The following EBF4 variants were observed in gnomAD, a reference collection of about 807,000 sequenced individuals.
EBF4 encodes EBF transcription factor 4.
In EBF4, 34 loss-of-function variants were observed where a neutral mutation model predicts 67.1. The ratio of observed to expected loss-of-function variants is 0.51; its 90% CI spans 0.39 to 0.67. EBF4 has a LOEUF of 0.67. Among genes scored for constraint, EBF4 ranks in the 30% least tolerant of loss-of-function variants. The probability of loss-of-function intolerance (pLI) is 0.00; values close to 1 mark genes in which losing one functional copy is unlikely to be tolerated. For missense variants in EBF4, 837 were observed against 873.3 expected, an observed-to-expected ratio of 0.96 and a Z score of 0.52; for synonymous variants, 387 against 377.7, an observed-to-expected ratio of 1.02 and a Z score of -0.29.
chr20:2,751,727 G>A lies in EBF4; in HGVS notation c.1046G>A (p.Gly349Glu), dbSNP rs1480291975. The A allele has an allele frequency of 6.5e-7, 1 of 1,541,424 alleles. No individual in the cohort carries two copies. Among genetic ancestry groups the A allele is most frequent in the Non-Finnish European group, 8.8e-7 (1 of 1,141,108 alleles). The stretch of plus-strand genomic sequence containing the variant: ...CTGAACGAGCCCACCATTGACTACG[G>A]ATTCCAGAGGCTACAGAAAGTCATT... The change falls in exon 11 of 17, where the codon GGA becomes GAA. Residue 349 changes from glycine (G) to glutamate (E), a missense_variant. Physicochemically the swap from Gly to Glu is moderately conservative, Grantham distance 98 (BLOSUM62 -2). Coordinates refer to ENST00000609451, the Ensembl canonical transcript of EBF4. This position sits in a 1 kb window ranked among gnomAD's most constrained non-coding sequence, Gnocchi z 5.2.
rs1362758872 is a variant in EBF4, at chr20:2,751,544, C to T, written c.1019-156C>T. The T allele has an allele frequency of 1.6e-5, 11 of 676,330 alleles. No homozygotes were observed. Among genetic ancestry groups the T allele is most frequent in the Non-Finnish European group, 2.3e-5 (9 of 397,088 alleles). 41.9% of individuals were successfully genotyped at this position (676,330 alleles called of 1,614,324 possible). A position where few individuals can be genotyped will look rare whatever the true frequency, so the allele number is the denominator to read the frequency against. On this transcript the variant is annotated intron_variant, in intron 10 of 16. Transcript: ENST00000609451. The surrounding 1 kb of genome is among the most constrained non-coding windows in gnomAD (Gnocchi z 5.2). ...TCCCTGAATCTCGCTGCCGGGGGTG[C>T]CTGGAGTTTTCCGGGGGACTTGGGC... is the stretch of plus-strand genomic sequence containing the variant.
intron 1 of EBF4, among the ~76,000 whole-genome samples, chr20:2,700,551 G>C (rs555528503): frequency 2.9e-4 from 44 of 152,300 alleles, no homozygotes; most frequent in Admixed American, 4.6e-4. Flanking sequence ...TCTGAGAGCA[G>C]ACAGTGGCCC....
chr20:2,716,308 C>A (rs1394170152), intron 6 of EBF4, among the ~76,000 whole-genome samples: 1 of 151,358 alleles, frequency 6.6e-6, no homozygotes, highest in African/African-American at 2.4e-5. Context: ...GGGCAGATCA[C>A]CGGAGGTCGG....
At chr20:2,750,008 T>TGC in intron 10 of EBF4, 35 bp downstream of exon 10, 1 of 1,523,650 alleles carries the variant, frequency 6.6e-7, no homozygotes, top group Non-Finnish European at 8.8e-7. Context: ...AGGTCTAAGG[T>TGC]GCGCGGAGGG....
intron 6 of EBF4, among the ~76,000 whole-genome samples, chr20:2,714,373 G>T (rs1350226019): frequency 3.6e-5 from 5 of 138,838 alleles, no homozygotes; most frequent in Non-Finnish European, 6.1e-5. Context: ...CTTCTTTTTT[G>T]ACAGGGTCTT....
intron 6 of EBF4, among the ~76,000 whole-genome samples, chr20:2,730,623 A>G (rs1490215213): frequency 2.0e-5 from 3 of 152,090 alleles, no homozygotes; most frequent in African/African-American, 7.2e-5. Flanking sequence ...CCACCATATC[A>G]CTCAAAACAA....
chr20:2,759,072 C>A, intron 16 of EBF4, 88 bp downstream of exon 16: 4 of 1,271,524 alleles, frequency 3.1e-6, no homozygotes, highest in Non-Finnish European at 4.4e-6. Context: ...TGTGCTCAAG[C>A]CTCCCCGCTA....
At chr20:2,744,494 T>TTTC (rs2088020462) in intron 6 of EBF4, among the ~76,000 whole-genome samples, 1 of 134,486 alleles carries the variant, frequency 7.4e-6, no homozygotes, top group Middle Eastern at 3.3e-3. Context: ...TTTCTTTTCT[T>TTTC]TTTTTTTTTT....
At position 2,749,988 on chromosome 20, in the gene EBF4, G is replaced by C. The variant is rs775855622; in HGVS notation, c.1018+15G>C. Reference sequence around the variant, plus strand: ...TGTCTACACAGGTAAGGAGTCGGGCGGGGGAGTGGAGGTCTAAGGTGCGCG... The same window carrying C: ...TGTCTACACAGGTAAGGAGTCGGGCCGGGGAGTGGAGGTCTAAGGTGCGCG... On this transcript the variant is annotated intron_variant, in intron 10 of 16. Transcript: ENST00000609451. 28 of 1,543,918 alleles carry C rather than the reference G, an allele frequency of 1.8e-5. No homozygotes were observed. In the South Asian group the frequency reaches 2.4e-4, roughly 13 times the overall value.
chr20:2,726,661 C>T (rs1289137506), intron 6 of EBF4, among the ~76,000 whole-genome samples: 2 of 150,848 alleles, frequency 1.3e-5, no homozygotes. Flanking sequence ...TAGTCCTTTT[C>T]CCCCATTACT....
chr20:2,706,463 T>A (rs1357968434), intron 4 of EBF4, among the ~76,000 whole-genome samples, 199 bp downstream of exon 4: 1 of 152,108 alleles, frequency 6.6e-6, no homozygotes. Flanking sequence ...AAAGACAATA[T>A]TTGTACAAAA....
At chr20:2,716,443 C>T (rs1056888261) in intron 6 of EBF4, among the ~76,000 whole-genome samples, 2 of 151,072 alleles carry the variant, frequency 1.3e-5, no homozygotes, top group Admixed American at 6.6e-5. Context: ...GCAGGAGAAT[C>T]GCTTGAACTC....
chr20:2,749,619 G>T lies in EBF4; in HGVS notation c.758-1G>T. ...GACCTGGGTCCTCTCCTGCCTCCCA[G>T]CTGCCACCCCCTGCATCAAGGCCAT... is the stretch of plus-strand genomic sequence containing the variant. On this transcript the variant is annotated splice_acceptor_variant, in intron 8 of 16. Transcript: ENST00000609451. LOFTEE classifies it high-confidence loss of function. 1 of 1,556,040 alleles carries T rather than the reference G, an allele frequency of 6.4e-7. No individual in the cohort carries two copies.
intron 6 of EBF4, among the ~76,000 whole-genome samples, chr20:2,738,503 C>T (rs942809354): frequency 6.6e-6 from 1 of 152,174 alleles, no homozygotes; most frequent in African/African-American, 2.4e-5. Flanking sequence ...ACATCTGTGT[C>T]CACACAGGCA....
chr20:2,748,150 G>A (rs148691306), intron 6 of EBF4, among the ~76,000 whole-genome samples: 188 of 152,232 alleles, frequency 1.2e-3, no homozygotes, highest in African/African-American at 4.1e-3. Flanking sequence ...GTGCGTACAC[G>A]CCACATACGG....
chr20:2,755,632 C>A lies in EBF4; in HGVS notation c.1546C>A (p.Pro516Thr). The change falls in exon 15 of 17, where the codon CCC becomes ACC. Residue 516 changes from proline (P) to threonine (T), a missense_variant. By Grantham distance (38) the Pro-to-Thr change is conservative. This residue lies in a region of EBF4 where 525 missense variants were observed against 496.5 expected (regional missense o/e 1.06). Coordinates refer to ENST00000609451, the Ensembl canonical transcript of EBF4. The surrounding 1 kb of genome is among the most constrained non-coding windows in gnomAD (Gnocchi z 4.7). ...CTCCCCGCCCCGCCCCGGAGTCATG[C>A]CCTCTAGCCCCCCGCTGGCGGCTGC... 8.3e-7 allele frequency: 1 copy of A among 1,203,376 alleles called. No homozygotes were observed. The highest frequency in any genetic ancestry group is 1.1e-6 in the Non-Finnish European group (1 of 883,274). The allele number at this position is 1,203,376 out of a possible 1,614,324, so 74.5% of individuals were successfully genotyped here. A position where few individuals can be genotyped will look rare whatever the true frequency, so the allele number is the denominator to read the frequency against.
At chr20:2,732,266 G>A (rs972770407) in intron 6 of EBF4, among the ~76,000 whole-genome samples, 2 of 152,018 alleles carry the variant, frequency 1.3e-5, no homozygotes, top group East Asian at 1.9e-4. Context: ...GACTACAGGT[G>A]CATGCCACCA....
At chr20:2,749,819 C>A in intron 9 of EBF4, 28 bp from the exon 10 acceptor site, 1 of 1,543,964 alleles carries the variant, frequency 6.5e-7, no homozygotes, top group Non-Finnish European at 8.8e-7. Flanking sequence ...CGGTGCGGGA[C>A]CTGCAGGCCT....
chr20:2,721,344 G>A (rs2087678726), intron 6 of EBF4, among the ~76,000 whole-genome samples: 1 of 145,088 alleles, frequency 6.9e-6, no homozygotes, highest in South Asian at 2.2e-4. Context: ...TTTTCTGCCA[G>A]TTTTCATCTG....
Sources: allele counts gnomAD v4.1 joint callset (sites outside exome capture counted in the v4.1 genomes callset), GRCh38; gene constraint gnomAD v4.1.1; regional missense constraint gnomAD v4.1.1; non-coding constraint Gnocchi (gnomAD v3.1); transcripts MANE v1.5; gene names NCBI Gene and HGNC (gene_info 2026-07-23, HGNC 2026-07-21).